TNNI3K: variants seen among roughly 807,000 people sequenced by gnomAD.
The protein encoded by TNNI3K is serine/threonine-protein kinase TNNI3K.
A neutral mutation model predicts 114.5 loss-of-function variants in TNNI3K; 140 were observed. That is an observed-to-expected ratio of 1.22 (90% confidence interval 1.07 to 1.41). TNNI3K has a LOEUF of 1.41. Ranked by LOEUF, TNNI3K falls within the 40% of genes most tolerant of loss-of-function variation. TNNI3K has a pLI of 0.00. For synonymous variants in TNNI3K, 347 were observed against 347.5 expected (o/e 1.00, Z 0.02); for missense variants, 1,125 against 1,007.6 (o/e 1.12, Z -1.58).
rs1224893543 is a variant in TNNI3K at position 74,354,077 on chromosome 1, G to T, written c.1125G>T (p.Arg375Ser). The change falls in exon 11 of 25, where the codon AGG becomes AGT. Residue 375 changes from arginine to serine, a missense_variant. Physicochemically the swap from Arg to Ser is moderately radical, Grantham distance 110. Transcript: ENST00000326637. ...DMNLVACDPS[R>S]SSGEKDEQTC... ...ATCTAGTGGCTTGTGATCCCAGCAG[G>T]TCTAGTGGTGAAAAAGATGAGCAGA... The T allele has an allele frequency of 2.5e-6, 4 of 1,614,044 alleles. No individual in the cohort carries two copies. The highest frequency in any genetic ancestry group is 1.1e-5 in the South Asian group (1 of 91,074).
intron 21 of TNNI3K, among the ~76,000 whole-genome samples, chr1:74,486,810 A>G (rs564262485): frequency 2.0e-5 from 3 of 152,282 alleles, no homozygotes; most frequent in African/African-American, 7.2e-5. Flanking sequence ...GCAGAAAAAA[A>G]TAAAATAAGA....
At chr1:74,331,164 A>T (rs1014480317) in intron 5 of TNNI3K, among the ~76,000 whole-genome samples, 7 of 152,180 alleles carry the variant, frequency 4.6e-5, no homozygotes, top group African/African-American at 1.7e-4. Context: ...AGGAAGCTGG[A>T]TGCAGTTTGA....
chr1:74,375,584 A>T (rs1255057738), intron 17 of TNNI3K: 2 of 455,360 alleles, frequency 4.4e-6, no homozygotes, highest in African/African-American at 4.0e-5. Context: ...AGGATGGCTC[A>T]GCTGCTACCA....
intron 17 of TNNI3K, among the ~76,000 whole-genome samples, chr1:74,398,155 G>T (rs1437824345): frequency 6.6e-6 from 1 of 152,186 alleles, no homozygotes; most frequent in Non-Finnish European, 1.5e-5. Context: ...AGCCTCCCTG[G>T]AGGAAGAAGT....
intron 23 of TNNI3K, among the ~76,000 whole-genome samples, chr1:74,538,947 T>C (rs1229014761): frequency 6.6e-6 from 1 of 152,180 alleles, no homozygotes; most frequent in Non-Finnish European, 1.5e-5. Context: ...ATTTGTATTT[T>C]ATTCCAAATG....
chr1:74,334,079 G>A (rs1181866909), intron 6 of TNNI3K, among the ~76,000 whole-genome samples: 4 of 152,174 alleles, frequency 2.6e-5, no homozygotes, highest in African/African-American at 4.8e-5. Context: ...CTTTTCATGC[G>A]ATGACTTATT....
chr1:74,352,872 T>A (rs10157188), intron 9 of TNNI3K, among the ~76,000 whole-genome samples: 7 of 151,732 alleles, frequency 4.6e-5, no homozygotes, highest in African/African-American at 7.3e-5. Context: ...CTGTCACCCC[T>A]TTCTTTGACT....
chr1:74,364,856 C>T (rs1431826584), intron 11 of TNNI3K, among the ~76,000 whole-genome samples: 2 of 152,030 alleles, frequency 1.3e-5, no homozygotes, highest in Admixed American at 6.6e-5. Context: ...CTCCTAAGGC[C>T]TCTAGAAAGA....
intron 23 of TNNI3K, among the ~76,000 whole-genome samples, chr1:74,529,986 G>A (rs754471544): frequency 2.6e-5 from 4 of 151,996 alleles, no homozygotes; most frequent in Non-Finnish European, 5.9e-5. Context: ...TTGTTTTGAG[G>A]CAGGGTCTTA....
At chr1:74,460,079 CTT>C (rs776231729) in intron 20 of TNNI3K, among the ~76,000 whole-genome samples, 2 of 146,344 alleles carry the variant, frequency 1.4e-5, no homozygotes, top group Non-Finnish European at 1.5e-5. Flanking sequence ...CAACATATAA[CTT>C]TTTTTTTTTT....
At chr1:74,291,282 C>G (rs1349927166) in intron 5 of TNNI3K, among the ~76,000 whole-genome samples, 1 of 151,334 alleles carries the variant, frequency 6.6e-6, no homozygotes, top group South Asian at 2.1e-4. Context: ...TTTTTCTGTT[C>G]TTGAACTTTA....
At chr1:74,496,323 A>G (rs1390936195) in intron 23 of TNNI3K, among the ~76,000 whole-genome samples, 1 of 152,308 alleles carries the variant, frequency 6.6e-6, no homozygotes, top group African/African-American at 2.4e-5. Context: ...CATCCCTGCC[A>G]AAATTCCTTA....
intron 21 of TNNI3K, among the ~76,000 whole-genome samples, chr1:74,478,006 T>C (rs1363225555): frequency 6.6e-6 from 1 of 152,228 alleles, no homozygotes; most frequent in Non-Finnish European, 1.5e-5. Flanking sequence ...TAACCATTTA[T>C]TAGTTTTAAA....
intron 5 of TNNI3K, among the ~76,000 whole-genome samples, chr1:74,318,936 A>C (rs1659462210): frequency 6.6e-6 from 1 of 152,228 alleles, no homozygotes; most frequent in Non-Finnish European, 1.5e-5. Context: ...GGTGTTTTAA[A>C]TAGTGAATTG....
chr1:74,484,572 C>A (rs1338424169), intron 21 of TNNI3K, among the ~76,000 whole-genome samples: 1 of 152,182 alleles, frequency 6.6e-6, no homozygotes, highest in Non-Finnish European at 1.5e-5. Context: ...CAAGGAAAAT[C>A]TCTCTGATAA....
At position 74,544,060 on chromosome 1, in the gene TNNI3K, C is replaced by A; in HGVS notation, c.*78C>A. 1 of 1,492,046 alleles carries A rather than the reference C, an allele frequency of 6.7e-7. No homozygotes were observed. Among genetic ancestry groups the A allele is most frequent in the Non-Finnish European group, 9.1e-7 (1 of 1,096,696 alleles). The allele number at this position is 1,492,046 out of a possible 1,614,324, so 92.4% of individuals were successfully genotyped here. On this transcript the variant is annotated 3_prime_UTR_variant, in exon 25 of 25. Transcript: ENST00000326637. ...ATTCCAACCACGGCAAGCTGGCTTC[C>A]AACTATAACATTTTACTCTCAAAGG...
chr1:74,457,845 C>T (rs1225457174), intron 20 of TNNI3K, among the ~76,000 whole-genome samples: 1 of 152,100 alleles, frequency 6.6e-6, no homozygotes, highest in Non-Finnish European at 1.5e-5. Context: ...TCTGCATAGT[C>T]ATATTGCATT....
chr1:74,532,343 C>T (rs1010179503), intron 23 of TNNI3K, among the ~76,000 whole-genome samples: 1 of 152,052 alleles, frequency 6.6e-6, no homozygotes, highest in Non-Finnish European at 1.5e-5. Context: ...AAGAATTTAG[C>T]GTTCATCTTT....
At chr1:74,387,399 G>A (rs191275601) in intron 17 of TNNI3K, among the ~76,000 whole-genome samples, 9 of 152,312 alleles carry the variant, frequency 5.9e-5, no homozygotes, top group Non-Finnish European at 1.3e-4. Flanking sequence ...TCAAATGTTT[G>A]TATAATCAGC....
Sources: gnomAD v4.1 joint callset for allele counts (sites outside exome capture counted in the v4.1 genomes callset) on GRCh38, gnomAD v4.1.1 for gene constraint, MANE v1.5 for transcripts, NCBI Gene and HGNC (gene_info 2026-07-23, HGNC 2026-07-21) for gene names.